SNX29: variants seen among roughly 807,000 people sequenced by gnomAD.
The protein encoded by SNX29 is sorting nexin 29.
Under a neutral mutation model 102.1 loss-of-function variants are expected in SNX29, and 78 were observed. The ratio of observed to expected loss-of-function variants is 0.76; its 90% CI spans 0.64 to 0.92. The LOEUF is 0.92. Ranked by LOEUF, SNX29 falls within the 40% of genes least tolerant of loss-of-function variation. The pLI is 0.00. For missense variants in SNX29, 1,280 were observed against 1,061.7 expected, an observed-to-expected ratio of 1.21 and a Z score of -2.86; for synonymous variants, 580 against 414.5, an observed-to-expected ratio of 1.40 and a Z score of -4.85.
intron 20 of SNX29, among the ~76,000 whole-genome samples, chr16:12,535,525 C>G (rs944224818): frequency 2.0e-5 from 3 of 152,152 alleles, no homozygotes; most frequent in Non-Finnish European, 4.4e-5. Context: ...AGTGAAGTGG[C>G]CAAGCCATAG....
At chr16:12,138,427 C>T (rs2054742984) in intron 13 of SNX29, among the ~76,000 whole-genome samples, 2 of 152,094 alleles carry the variant, frequency 1.3e-5, no homozygotes, top group African/African-American at 2.4e-5. Context: ...AGGCTGGTCT[C>T]GAACTCCTGA....
chr16:12,121,343 A>G (rs1332073438), intron 11 of SNX29, among the ~76,000 whole-genome samples: 1 of 152,242 alleles, frequency 6.6e-6, no homozygotes, highest in Non-Finnish European at 1.5e-5. Context: ...ACAGAACCCC[A>G]TAGGGGCTCC....
At chr16:12,465,566 A>G (rs183130799) in intron 18 of SNX29, among the ~76,000 whole-genome samples, 8 of 152,222 alleles carry the variant, frequency 5.3e-5, no homozygotes, top group South Asian at 2.1e-4. Flanking sequence ...CTCATGGTCT[A>G]TGTGTCTGTT....
intron 11 of SNX29, among the ~76,000 whole-genome samples, chr16:12,079,125 T>A (rs28613673): frequency 0.014 from 2,204 of 152,356 alleles, 58 homozygotes; most frequent in African/African-American, 0.049. Flanking sequence ...CTAAAGGGCG[T>A]GCCTCAGGAT....
At chr16:12,033,494 G>T (rs1162254928) in intron 4 of SNX29, among the ~76,000 whole-genome samples, 1 of 151,998 alleles carries the variant, frequency 6.6e-6, no homozygotes, top group Non-Finnish European at 1.5e-5. Flanking sequence ...TTTCAGAATT[G>T]TTTTCAAAAA....
At chr16:11,985,996 G>T (rs2055607683) in intron 1 of SNX29, among the ~76,000 whole-genome samples, 1 of 151,880 alleles carries the variant, frequency 6.6e-6, no homozygotes, top group Non-Finnish European at 1.5e-5. Context: ...GTAGAGATGG[G>T]GTTTCACCAT....
chr16:12,566,963 C>G (rs1452005697), intron 20 of SNX29, among the ~76,000 whole-genome samples: 2 of 152,246 alleles, frequency 1.3e-5, no homozygotes, highest in Non-Finnish European at 2.9e-5. Context: ...AACGAGGGAT[C>G]TCACTCGCAC....
chr16:12,130,474 CAAAA>C (rs71139578), intron 13 of SNX29, among the ~76,000 whole-genome samples: 1 of 56,148 alleles, frequency 1.8e-5, no homozygotes. Flanking sequence ...GACTCCGTCT[CAAAA>C]AAAAAAAAAA....
At chr16:12,305,958 C>A (rs760821944) in intron 15 of SNX29, among the ~76,000 whole-genome samples, 1 of 152,096 alleles carries the variant, frequency 6.6e-6, no homozygotes, top group Non-Finnish European at 1.5e-5. Context: ...AATTGAATGT[C>A]TGTTTAATTC....
At position 12,139,858 on chromosome 16, in the gene SNX29, G is replaced by T. The variant is rs144505912; in HGVS notation, c.1595+10100G>T. On this transcript the variant is annotated intron_variant, in intron 13 of 20. Coordinates refer to ENST00000566228, the MANE Select transcript of SNX29 (RefSeq NM_032167.5). ...TAGCGGTGCGTGGTGGTGCATGCCT[G>T]TGGTCCCAGCTACTCAGGAGGCTGA... 2.8e-4 allele frequency among the ~76,000 whole-genome samples: 42 copies of T among 151,884 alleles called. No homozygotes were observed. In the East Asian group the frequency reaches 3.3e-3, roughly 12 times the overall value.
chr16:12,564,014 G>T (rs2078880359), intron 20 of SNX29, among the ~76,000 whole-genome samples: 1 of 152,106 alleles, frequency 6.6e-6, no homozygotes, highest in African/African-American at 2.4e-5. Flanking sequence ...TTCCCCCAGG[G>T]TAGGGAGTTG....
intron 15 of SNX29, among the ~76,000 whole-genome samples, chr16:12,306,522 C>T (rs578043234): frequency 6.6e-6 from 1 of 152,276 alleles, no homozygotes; most frequent in East Asian, 1.9e-4. Context: ...ATTACAGAGC[C>T]TTTGAAATCT....
At chr16:12,555,760 C>G (rs945345622) in intron 20 of SNX29, among the ~76,000 whole-genome samples, 3 of 151,930 alleles carry the variant, frequency 2.0e-5, no homozygotes, top group Non-Finnish European at 2.9e-5. Context: ...CTCCAACTAG[C>G]CTTCAGGCTG....
intron 18 of SNX29, among the ~76,000 whole-genome samples, chr16:12,472,120 AC>A (rs1291873737): frequency 6.6e-6 from 1 of 152,276 alleles, no homozygotes; most frequent in Non-Finnish European, 1.5e-5. Context: ...GTGCAAAGCA[AC>A]ATGAGGGCCA....
intron 16 of SNX29, among the ~76,000 whole-genome samples, chr16:12,359,463 A>G (rs1197054951): frequency 6.6e-6 from 1 of 151,918 alleles, no homozygotes; most frequent in Non-Finnish European, 1.5e-5. Context: ...GCCTTTGTCC[A>G]TTTTTCTACT....
rs112573881 is a variant in SNX29, at chr16:12,076,956, G to A, written c.1320-1877G>A. On this transcript the variant is annotated intron_variant, in intron 10 of 20. Transcript: ENST00000566228. ...TGGTGTTGCCAGACCCTTCCAGGGG[G>A]TGGAGTCTTTTTTTGCTATTTATTT... is the stretch of plus-strand genomic sequence containing the variant. Among the ~76,000 whole-genome samples, 1,379 of 152,286 alleles carry A rather than the reference G, an allele frequency of 9.1e-3. 12 individuals carry two copies. The highest frequency in any genetic ancestry group is 0.053 in the South Asian group (257 of 4,812).
chr16:12,341,203 C>T (rs1188487068), intron 15 of SNX29, among the ~76,000 whole-genome samples: 1 of 152,242 alleles, frequency 6.6e-6, no homozygotes, highest in African/African-American at 2.4e-5. Context: ...GCCCATATAG[C>T]AGACAGAATA....
chr16:12,408,161 AAAAC>A (rs541045540), intron 18 of SNX29, among the ~76,000 whole-genome samples: 84 of 151,118 alleles, frequency 5.6e-4, no homozygotes, highest in Non-Finnish European at 9.7e-4. Context: ...CCTTCTCAAA[AAAAC>A]AAACAAACAA....
At chr16:12,226,847 G>T (rs1342871596) in intron 14 of SNX29, among the ~76,000 whole-genome samples, 1 of 152,114 alleles carries the variant, frequency 6.6e-6, no homozygotes, top group Non-Finnish European at 1.5e-5. Context: ...CAAAGTGCTG[G>T]GATTACAGGC....
Sources: allele counts gnomAD v4.1 joint callset (sites outside exome capture counted in the v4.1 genomes callset), GRCh38; gene constraint gnomAD v4.1.1; transcripts MANE v1.5; gene names NCBI Gene and HGNC (gene_info 2026-07-23, HGNC 2026-07-21).